The following MYO3A variants were observed in gnomAD, a reference collection of about 807,000 sequenced individuals.
MYO3A encodes myosin-IIIa.
In MYO3A, 180 loss-of-function variants were observed where a neutral mutation model predicts 192.7. The observed-to-expected ratio is 0.93, with a 90% CI of 0.83 to 1.06. The LOEUF is 1.06. MYO3A is among the 50% of genes least tolerant of loss of function. MYO3A has a pLI of 0.00. For synonymous variants in MYO3A, 628 were observed against 645.3 expected, an observed-to-expected ratio of 0.97 and a Z score of 0.41; for missense variants, 1,896 against 1,905.0, an observed-to-expected ratio of 1.00 and a Z score of 0.09.
chr10:26,202,859 C>A (rs1843737647), intron 33 of MYO3A, 105 bp from the exon 34 acceptor site: 1 of 1,280,004 alleles, frequency 7.8e-7, no homozygotes, highest in Non-Finnish European at 1.1e-6. Flanking sequence ...GTGTATGTTA[C>A]TCTAAATTAT....
chr10:26,035,997 C>T (rs541663341), intron 10 of MYO3A, among the ~76,000 whole-genome samples: 103 of 152,018 alleles, frequency 6.8e-4, no homozygotes, highest in Non-Finnish European at 1.2e-3. Context: ...GCAGTGGCGC[C>T]ATCTTGGCTC....
chr10:26,189,485 G>A (rs761082253), intron 31 of MYO3A, among the ~76,000 whole-genome samples: 1 of 152,168 alleles, frequency 6.6e-6, no homozygotes, highest in Non-Finnish European at 1.5e-5. Flanking sequence ...GATTGAAGGT[G>A]GACATTGAAC....
intron 15 of MYO3A, among the ~76,000 whole-genome samples, chr10:26,096,099 T>C (rs1837012393): frequency 6.6e-6 from 1 of 152,160 alleles, no homozygotes; most frequent in Non-Finnish European, 1.5e-5. Context: ...TTTTTGACAG[T>C]TTTGCTCCTG....
chr10:26,080,836 C>A (rs558943942), intron 14 of MYO3A, among the ~76,000 whole-genome samples: 1 of 152,234 alleles, frequency 6.6e-6, no homozygotes, highest in South Asian at 2.1e-4. Flanking sequence ...TGGGTCAAGC[C>A]ACCCAGCGAG....
chr10:26,138,098 A>G (rs1839954692), intron 20 of MYO3A, among the ~76,000 whole-genome samples: 2 of 152,186 alleles, frequency 1.3e-5, no homozygotes, highest in African/African-American at 4.8e-5. Context: ...GCTTTGAAGC[A>G]TGTGATCTTT....
Position 26,128,477 on chromosome 10 carries a change from T to A in MYO3A, c.2201T>A (p.Ile734Asn). The A allele has an allele frequency of 1.2e-6, 2 of 1,612,704 alleles. No homozygotes were observed. Among genetic ancestry groups the A allele is most frequent in the Non-Finnish European group, 1.7e-6 (2 of 1,178,938 alleles). ...FKKNSFEQLC[I>N]NIANEQIQYY... is the part of the protein sequence containing the mutation. ...AAAAATTCCTTCGAGCAGCTGTGCA[T>A]TAACATTGCAAATGAACAAATTCAG... The change falls in exon 20 of 35, where the codon ATT becomes AAT. Residue 734 changes from isoleucine (I) to asparagine (N), a missense_variant. Physicochemically the swap from Ile to Asn is moderately radical, Grantham distance 149 (BLOSUM62 -3). Coordinates refer to ENST00000642920, the MANE Select transcript of MYO3A (RefSeq NM_017433.5).
chr10:26,111,896 T>G (rs1359327984), intron 17 of MYO3A, among the ~76,000 whole-genome samples: 2 of 152,202 alleles, frequency 1.3e-5, no homozygotes, highest in Non-Finnish European at 2.9e-5. Context: ...GGCCTCTTCA[T>G]AGCTCTTTTC....
At chr10:26,062,515 C>CAAAAAAAAAAAAAAAAAAAAAA (rs573334201) in intron 10 of MYO3A, among the ~76,000 whole-genome samples, 1 of 42,214 alleles carries the variant, frequency 2.4e-5, no homozygotes, top group Non-Finnish European at 6.2e-5. Context: ...GATGCCATCT[C>CAAAAAAAAAAAAAAAAAAAAAA]AAAAAAAAAA....
intron 25 of MYO3A, among the ~76,000 whole-genome samples, chr10:26,156,108 C>T (rs1190504130): frequency 1.3e-5 from 2 of 152,164 alleles, no homozygotes; most frequent in African/African-American, 2.4e-5. Flanking sequence ...ACCACCAGTA[C>T]TTGGCAGATG....
At chr10:25,991,646 G>A (rs1840039384) in intron 4 of MYO3A, among the ~76,000 whole-genome samples, 1 of 152,122 alleles carries the variant, frequency 6.6e-6, no homozygotes, top group Middle Eastern at 3.2e-3. Flanking sequence ...TATAGTTTTA[G>A]GTCTAACATT....
intron 17 of MYO3A, among the ~76,000 whole-genome samples, chr10:26,114,211 T>C (rs993671724): frequency 6.6e-6 from 1 of 152,144 alleles, no homozygotes; most frequent in Non-Finnish European, 1.5e-5. Context: ...GGCCACTTTG[T>C]CCTGGTCCAT....
chr10:25,962,612 CAT>C (rs1447409742), intron 4 of MYO3A, among the ~76,000 whole-genome samples: 2 of 152,170 alleles, frequency 1.3e-5, no homozygotes, highest in Admixed American at 1.3e-4. Flanking sequence ...GTTGCTATCA[CAT>C]CTCTTGACTG....
intron 6 of MYO3A, among the ~76,000 whole-genome samples, chr10:26,003,885 C>T (rs1311342538): frequency 2.0e-5 from 3 of 152,102 alleles, no homozygotes; most frequent in African/African-American, 7.2e-5. Context: ...TCTCTTATTA[C>T]CCACATGCCC....
intron 17 of MYO3A, among the ~76,000 whole-genome samples, chr10:26,100,264 AT>A (rs1837351853): frequency 6.6e-6 from 1 of 151,976 alleles, no homozygotes; most frequent in African/African-American, 2.4e-5. Context: ...CCCCTTTATC[AT>A]TTTTGTTGCA....
intron 4 of MYO3A, among the ~76,000 whole-genome samples, chr10:25,963,523 C>T (rs1052749882): frequency 2.0e-5 from 3 of 152,116 alleles, no homozygotes; most frequent in Non-Finnish European, 4.4e-5. Flanking sequence ...AAAGCCTTTG[C>T]GGACTTGTAT....
At chr10:25,947,337 T>G (rs889029211) in intron 2 of MYO3A, among the ~76,000 whole-genome samples, 2 of 151,556 alleles carry the variant, frequency 1.3e-5, no homozygotes, top group African/African-American at 4.9e-5. Context: ...GTTCCGTCTA[T>G]CTCTATTCTC....
intron 17 of MYO3A, among the ~76,000 whole-genome samples, chr10:26,111,544 A>G (rs990549339): frequency 2.0e-5 from 3 of 152,046 alleles, no homozygotes; most frequent in Non-Finnish European, 4.4e-5. Context: ...CTTCCACTGC[A>G]TCATTTCTCC....
chr10:26,103,055 C>T (rs1253895876), intron 17 of MYO3A, among the ~76,000 whole-genome samples: 2 of 152,244 alleles, frequency 1.3e-5, no homozygotes, highest in African/African-American at 2.4e-5. Context: ...CCACCCACTT[C>T]GAGCTTCCCA....
intron 4 of MYO3A, among the ~76,000 whole-genome samples, chr10:25,972,907 C>T (rs1294152522): frequency 2.0e-5 from 3 of 152,174 alleles, no homozygotes; most frequent in African/African-American, 7.2e-5. Flanking sequence ...AATTAAGTTG[C>T]AGACTCCTTA....
Sources: allele counts gnomAD v4.1 joint callset (sites outside exome capture counted in the v4.1 genomes callset), GRCh38; gene constraint gnomAD v4.1.1; transcripts MANE v1.5; gene names NCBI Gene and HGNC (gene_info 2026-07-23, HGNC 2026-07-21).